The following ARRB1 variants were observed in gnomAD, a reference collection of about 807,000 sequenced individuals.
The protein encoded by ARRB1 is arrestin beta 1, also known as beta-arrestin-1.
ARRB1 carries 21 observed loss-of-function variants against 56.8 expected under a neutral mutation model. The ratio of observed to expected loss-of-function variants is 0.37; its 90% CI spans 0.26 to 0.53. ARRB1 has a LOEUF of 0.53. Ranked by LOEUF, ARRB1 falls within the 20% of genes least tolerant of loss-of-function variation. The pLI, the probability that ARRB1 is intolerant of heterozygous loss-of-function variation, is 0.88. For missense variants in ARRB1, 424 were observed against 553.7 expected (o/e 0.77, Z 2.35); for synonymous variants, 210 against 218.6 (o/e 0.96, Z 0.35).
rs1006692965 is a variant in ARRB1 at position 75,278,724 on chromosome 11, A to T, written c.503T>A (p.Ile168Asn). 1 of 1,611,678 alleles carries T rather than the reference A, an allele frequency of 6.2e-7. No homozygotes were observed. The highest frequency in any genetic ancestry group is 1.3e-5 in the African/African-American group (1 of 74,824). Residue 168 changes from isoleucine (I) to asparagine (N), a missense_variant, in exon 8 of 16, where the codon ATC (isoleucine) becomes AAC (asparagine). Coordinates refer to ENST00000420843, the MANE Select transcript of ARRB1 (RefSeq NM_004041.5). The stretch of plus-strand genomic sequence containing the variant: ...CTCTGGGGCATACTGAACCTTCCGG[A>T]TGACCAGACGCACAGAATTCCTAAT... The part of the protein sequence containing the change: ...IHKRNSVRLV[I>N]RKVQYAPERP...
In ARRB1 at chr11:75,268,900, G is replaced by A. The variant is rs765839909; in HGVS notation, c.1082C>T (p.Pro361Leu). The change falls in exon 14 of 16, where the codon CCG (proline) becomes CTG (leucine). Residue 361 changes from proline (P) to leucine (L), a missense_variant. Transcript: ENST00000420843. ...LMHPKPKEEP[P>L]HREVPENETP... ...CAGATTCTGCTCACCTTCCCGATGC[G>A]GGGGTTCCTCTTTGGGCTTGGGGTG... 2.4e-5 allele frequency: 39 copies of A among 1,608,764 alleles called. No individual in the cohort carries two copies. The Middle Eastern group carries it at 6.6e-4, about 27-fold the overall frequency.
intron 1 of ARRB1, among the ~76,000 whole-genome samples, chr11:75,310,365 C>T (rs1221365799): frequency 6.6e-6 from 1 of 152,130 alleles, no homozygotes; most frequent in East Asian, 1.9e-4. Flanking sequence ...CCAAGGGGAA[C>T]AAGGCCATCC....
intron 1 of ARRB1, among the ~76,000 whole-genome samples, chr11:75,326,189 G>A (rs1947430685): frequency 6.6e-6 from 1 of 152,242 alleles, no homozygotes; most frequent in Non-Finnish European, 1.5e-5. Context: ...CAAGGCTCCA[G>A]GCTGGGAGGA....
chr11:75,318,456 G>A (rs1446438180), intron 1 of ARRB1, among the ~76,000 whole-genome samples: 7 of 152,170 alleles, frequency 4.6e-5, no homozygotes, highest in African/African-American at 7.2e-5. Context: ...TTGGGAGGCC[G>A]AGGTGGGCGG....
chr11:75,305,833 A>G (rs1252795168), intron 1 of ARRB1, among the ~76,000 whole-genome samples: 1 of 152,062 alleles, frequency 6.6e-6, no homozygotes, highest in Non-Finnish European at 1.5e-5. Context: ...TTGTCTACAA[A>G]CCCCCACATA....
chr11:75,280,587 T>G (rs1341805336), intron 7 of ARRB1, among the ~76,000 whole-genome samples: 1 of 152,210 alleles, frequency 6.6e-6, no homozygotes, highest in African/African-American at 2.4e-5. Flanking sequence ...ATCTCTTAGA[T>G]GTGGGCCGAC....
chr11:75,283,355 G>C lies in ARRB1; in HGVS notation c.286C>G (p.Pro96Ala), dbSNP rs1946392395. Residue 96 changes from proline to alanine, a missense_variant, in exon 5 of 16, where the codon CCC (proline) becomes GCC (alanine). Physicochemically the swap from Pro to Ala is conservative, Grantham distance 27 (BLOSUM62 -1). Coordinates refer to ENST00000420843, the MANE Select transcript of ARRB1 (RefSeq NM_004041.5). ...SFPPAPEDKK[P>A]LTRLQERLIK... Reference sequence around the variant, plus strand: ...AGGCGTTCCTGCAGCCGCGTCAGGGGCTTCTTGTCCTCGGGGGCCGGTGGG... The same window carrying C: ...AGGCGTTCCTGCAGCCGCGTCAGGGCCTTCTTGTCCTCGGGGGCCGGTGGG... 2 of 1,614,150 alleles carry C rather than the reference G, an allele frequency of 1.2e-6. No individual in the cohort carries two copies. The highest frequency in any genetic ancestry group is 2.7e-5 in the African/African-American group (2 of 75,060).
intron 1 of ARRB1, among the ~76,000 whole-genome samples, chr11:75,290,468 G>C (rs1047478436): frequency 6.6e-6 from 1 of 152,020 alleles, no homozygotes; most frequent in East Asian, 1.9e-4. Flanking sequence ...TTCCCACCTC[G>C]GGGACAGTTC....
chr11:75,266,724 C>T, intron 15 of ARRB1, among the ~76,000 whole-genome samples: 1 of 152,126 alleles, frequency 6.6e-6, no homozygotes. Flanking sequence ...GAAAACTACC[C>T]TTAGGAAGCA....
intron 13 of ARRB1, among the ~76,000 whole-genome samples, chr11:75,269,848 C>T (rs536152330): frequency 2.6e-5 from 4 of 152,198 alleles, no homozygotes; most frequent in Non-Finnish European, 4.4e-5. Flanking sequence ...CACTGTGTGA[C>T]AGTAGCAGAA....
chr11:75,304,566 C>T (rs1476947181), intron 1 of ARRB1, among the ~76,000 whole-genome samples: 1 of 151,918 alleles, frequency 6.6e-6, no homozygotes, highest in Non-Finnish European at 1.5e-5. Flanking sequence ...ACAGCCAGTA[C>T]CGTTGGTTCT....
Position 75,351,612 on chromosome 11 carries a change from C to T in ARRB1, c.-5G>A, listed in dbSNP as rs1394672496. Reference sequence around the variant, plus strand: ...CCGGGTCCCTTTGTCGCCCATGGTCCGCGACGGTCGCAGGGAGGTCCGCGG... The same window carrying T: ...CCGGGTCCCTTTGTCGCCCATGGTCTGCGACGGTCGCAGGGAGGTCCGCGG... On this transcript the variant is annotated 5_prime_UTR_variant, in exon 1 of 16. Coordinates refer to ENST00000420843, the MANE Select transcript of ARRB1 (RefSeq NM_004041.5). 2.1e-6 allele frequency: 3 copies of T among 1,444,548 alleles called. No individual in the cohort carries two copies. Among genetic ancestry groups the T allele is most frequent in the African/African-American group, 1.5e-5 (1 of 67,250 alleles). 89.5% of individuals were successfully genotyped at this position (1,444,548 alleles called of 1,614,324 possible). A position where few individuals can be genotyped will look rare whatever the true frequency, so the allele number is the denominator to read the frequency against.
chr11:75,347,210 G>A (rs1591996955), intron 1 of ARRB1, among the ~76,000 whole-genome samples: 5 of 152,330 alleles, frequency 3.3e-5, no homozygotes, highest in African/African-American at 1.2e-4. Flanking sequence ...CCCAGAGGCC[G>A]GCCTGGAATC....
chr11:75,294,617 A>ATT (rs55918409), intron 1 of ARRB1, among the ~76,000 whole-genome samples: 14 of 150,632 alleles, frequency 9.3e-5, no homozygotes, highest in East Asian at 1.9e-4. Context: ...AACTTAAAAT[A>ATT]TTTTTTTAAT....
At chr11:75,345,922 C>G (rs755619276) in intron 1 of ARRB1, among the ~76,000 whole-genome samples, 2 of 152,128 alleles carry the variant, frequency 1.3e-5, no homozygotes, top group Non-Finnish European at 2.9e-5. Context: ...GGAAGCAGAC[C>G]CAGCGTGGGT....
intron 3 of ARRB1, among the ~76,000 whole-genome samples, chr11:75,285,276 C>T (rs1946443271): frequency 6.6e-6 from 1 of 152,226 alleles, no homozygotes; most frequent in African/African-American, 2.4e-5. Flanking sequence ...CGAGAGCACT[C>T]TGCAGATTGT....
chr11:75,304,051 G>A (rs1946965543), intron 1 of ARRB1, among the ~76,000 whole-genome samples: 2 of 152,148 alleles, frequency 1.3e-5, no homozygotes, highest in Non-Finnish European at 2.9e-5. Flanking sequence ...GAGCACCATG[G>A]ATGCGCAGTC....
intron 1 of ARRB1, among the ~76,000 whole-genome samples, chr11:75,328,310 G>T (rs1381248276): frequency 6.6e-6 from 1 of 152,162 alleles, no homozygotes; most frequent in Non-Finnish European, 1.5e-5. Context: ...ATGTTGTACA[G>T]CATGGATATA....
At chr11:75,274,473 A>C in intron 10 of ARRB1, 1 of 418,624 alleles carries the variant, frequency 2.4e-6, no homozygotes, top group South Asian at 4.2e-5. Flanking sequence ...CAAGCAGCAC[A>C]GTGCTAAAAA....
Sources: allele counts gnomAD v4.1 joint callset (sites outside exome capture counted in the v4.1 genomes callset), GRCh38; gene constraint gnomAD v4.1.1; transcripts MANE v1.5; gene names NCBI Gene and HGNC (gene_info 2026-07-23, HGNC 2026-07-21).